The following CNTN1 variants were observed in gnomAD, a reference collection of about 807,000 sequenced individuals.
CNTN1 encodes contactin 1.
A neutral mutation model predicts 126.4 loss-of-function variants in CNTN1; 38 were observed. That is an observed-to-expected ratio of 0.30 (90% CI 0.23 to 0.39). The LOEUF (loss-of-function observed/expected upper bound fraction) is 0.39, where lower values mean the gene tolerates loss of function less well. Ranked by LOEUF, CNTN1 falls within the 10% of genes least tolerant of loss-of-function variation. The probability of loss-of-function intolerance (pLI) is 1.00; values close to 1 mark genes in which losing one functional copy is unlikely to be tolerated. For synonymous variants in CNTN1, 413 were observed against 422.6 expected (o/e 0.98, Z 0.28); for missense variants, 1,009 against 1,248.4 (o/e 0.81, Z 2.89).
At chr12:40,913,036 A>AGT (rs1314311785) in intron 3 of CNTN1, among the ~76,000 whole-genome samples, 2 of 152,334 alleles carry the variant, frequency 1.3e-5, no homozygotes, top group East Asian at 3.9e-4. Context: ...AGGACAAGGA[A>AGT]GTAGTTCCTC....
chr12:40,720,361 T>C (rs1490208729), intron 1 of CNTN1, among the ~76,000 whole-genome samples: 3 of 152,084 alleles, frequency 2.0e-5, no homozygotes, highest in African/African-American at 7.2e-5. Context: ...TATTTCATTG[T>C]TAAATACTAT....
chr12:40,807,602 T>C (rs567564737), intron 1 of CNTN1, among the ~76,000 whole-genome samples: 3 of 152,174 alleles, frequency 2.0e-5, no homozygotes, highest in Non-Finnish European at 4.4e-5. Flanking sequence ...TCTTAGTTAA[T>C]TAAGACAGAT....
At chr12:41,065,425 C>G (rs530572440) in intron 23 of CNTN1, among the ~76,000 whole-genome samples, 1 of 152,292 alleles carries the variant, frequency 6.6e-6, no homozygotes, top group East Asian at 1.9e-4. Context: ...AAAGATCAAA[C>G]AGAAACCTGT....
At chr12:40,950,792 A>G (rs1203359923) in intron 14 of CNTN1, among the ~76,000 whole-genome samples, 1 of 152,094 alleles carries the variant, frequency 6.6e-6, no homozygotes, top group African/African-American at 2.4e-5. Context: ...CAGTTGGGCT[A>G]GCTTCTTTTA....
At chr12:40,935,749 T>C (rs568353894) in intron 9 of CNTN1, among the ~76,000 whole-genome samples, 1 of 152,210 alleles carries the variant, frequency 6.6e-6, no homozygotes, top group Admixed American at 6.6e-5. Flanking sequence ...AGTGAAAACA[T>C]GTACTAAATA....
chr12:40,891,658 T>C (rs533300795), intron 1 of CNTN1, among the ~76,000 whole-genome samples: 12 of 152,132 alleles, frequency 7.9e-5, no homozygotes, highest in Non-Finnish European at 1.8e-4. Flanking sequence ...CTTAATTAAA[T>C]TGCCTTTGTT....
intron 1 of CNTN1, among the ~76,000 whole-genome samples, chr12:40,869,068 T>C (rs1450337765): frequency 6.6e-6 from 1 of 152,004 alleles, no homozygotes; most frequent in Non-Finnish European, 1.5e-5. Context: ...TGATTAAATT[T>C]CTATTAATTT....
At chr12:40,937,157 T>G (rs1946110290) in intron 10 of CNTN1, among the ~76,000 whole-genome samples, 1 of 152,094 alleles carries the variant, frequency 6.6e-6, no homozygotes, top group African/African-American at 2.4e-5. Flanking sequence ...TTTTCCACCC[T>G]CTTCCTACTC....
chr12:40,926,495 C>A (rs1280359105), intron 6 of CNTN1, among the ~76,000 whole-genome samples: 1 of 151,954 alleles, frequency 6.6e-6, no homozygotes, highest in Non-Finnish European at 1.5e-5. Flanking sequence ...CCTTATGATC[C>A]ATAACAATTA....
At chr12:40,744,308 A>AT (rs143855570) in intron 1 of CNTN1, among the ~76,000 whole-genome samples, 82 of 146,874 alleles carry the variant, frequency 5.6e-4, no homozygotes, top group Middle Eastern at 6.9e-3. Flanking sequence ...ATTAAATAAA[A>AT]AAAAAATAAA....
intron 1 of CNTN1, among the ~76,000 whole-genome samples, chr12:40,769,687 A>G (rs1260167428): frequency 6.6e-6 from 1 of 152,072 alleles, no homozygotes; most frequent in Non-Finnish European, 1.5e-5. Flanking sequence ...CTGCTTTAGG[A>G]TATTGCATTA....
intron 12 of CNTN1, 74 bp downstream of exon 12, chr12:40,939,559 T>C: frequency 6.6e-7 from 1 of 1,525,432 alleles, no homozygotes; most frequent in East Asian, 2.4e-5. Flanking sequence ...CTTGTTTATA[T>C]GTTAATAATG....
chr12:40,994,350 G>A (rs1461792240), intron 17 of CNTN1, among the ~76,000 whole-genome samples: 6 of 152,036 alleles, frequency 3.9e-5, no homozygotes, highest in Non-Finnish European at 8.8e-5. Flanking sequence ...CATGATTAAA[G>A]GTCTGTATTT....
chr12:41,007,058 T>G (rs1948513142), intron 17 of CNTN1, among the ~76,000 whole-genome samples: 1 of 126,816 alleles, frequency 7.9e-6, no homozygotes, highest in Non-Finnish European at 1.7e-5. Context: ...TTTTTTTTTT[T>G]TTTTTTTTTT....
intron 14 of CNTN1, among the ~76,000 whole-genome samples, chr12:40,949,410 C>T (rs1248425607): frequency 1.4e-5 from 2 of 144,752 alleles, no homozygotes; most frequent in Non-Finnish European, 3.0e-5. Flanking sequence ...TCTCCCGATG[C>T]TATCCCTACC....
intron 1 of CNTN1, among the ~76,000 whole-genome samples, chr12:40,798,477 G>A (rs879417678): frequency 5.9e-5 from 9 of 151,894 alleles, no homozygotes; most frequent in Non-Finnish European, 1.2e-4. Flanking sequence ...TTCTTTAGGT[G>A]GATGATAGCC....
At chr12:41,040,748 T>A (rs1157258758) in intron 23 of CNTN1, among the ~76,000 whole-genome samples, 1 of 151,592 alleles carries the variant, frequency 6.6e-6, no homozygotes, top group East Asian at 1.9e-4. Flanking sequence ...TGCTTGTGAT[T>A]TTTGTACATT....
At chr12:40,843,152 G>A (rs1206138201) in intron 1 of CNTN1, among the ~76,000 whole-genome samples, 3 of 152,026 alleles carry the variant, frequency 2.0e-5, no homozygotes, top group Non-Finnish European at 2.9e-5. Flanking sequence ...CCTAAGTCTA[G>A]GTATTTTCAT....
intron 17 of CNTN1, among the ~76,000 whole-genome samples, chr12:41,000,541 T>G (rs948605362): frequency 1.1e-4 from 17 of 152,250 alleles, no homozygotes; most frequent in African/African-American, 3.8e-4. Flanking sequence ...CTAACAGTCA[T>G]GTAATCACAG....
Sources: gnomAD v4.1 joint callset for allele counts (sites outside exome capture counted in the v4.1 genomes callset) on GRCh38, gnomAD v4.1.1 for gene constraint, MANE v1.5 for transcripts, NCBI Gene and HGNC (gene_info 2026-07-23, HGNC 2026-07-21) for gene names.